The following EYA3 variants were observed in gnomAD, a reference collection of about 807,000 sequenced individuals.
EYA3 encodes EYA transcriptional coactivator and phosphatase 3.
In EYA3, 39 loss-of-function variants were observed where a neutral mutation model predicts 80.0. That is an observed-to-expected ratio of 0.49 (90% confidence interval 0.38 to 0.64). The LOEUF (loss-of-function observed/expected upper bound fraction) is 0.64, where lower values mean the gene tolerates loss of function less well. Among genes scored for constraint, EYA3 ranks in the 30% least tolerant of loss-of-function variants. EYA3 has a pLI of 0.00. For synonymous variants in EYA3, 206 were observed against 232.8 expected (o/e 0.88, Z 1.05); for missense variants, 523 against 676.1 (o/e 0.77, Z 2.51).
chr1:27,974,357 G>C lies in EYA3; in HGVS notation c.*109C>G. On this transcript the variant is annotated 3_prime_UTR_variant, in exon 18 of 18. Coordinates refer to ENST00000373871, the MANE Select transcript of EYA3 (RefSeq NM_001990.4). The stretch of plus-strand genomic sequence containing the variant: ...AAAGAGAGAAAGAGAGAGAGATAGA[G>C]ACAGAGACACAGAGAGAGACAGACA... 1 of 721,250 alleles carries C rather than the reference G, an allele frequency of 1.4e-6. No homozygotes were observed. Among genetic ancestry groups the C allele is most frequent in the African/African-American group, 1.8e-5 (1 of 56,658 alleles). 44.7% of individuals were successfully genotyped at this position (721,250 alleles called of 1,614,324 possible).
chr1:28,053,854 T>C (rs773885058), intron 2 of EYA3, among the ~76,000 whole-genome samples: 4 of 152,174 alleles, frequency 2.6e-5, no homozygotes, highest in Non-Finnish European at 5.9e-5. Flanking sequence ...GTTAAGAAAA[T>C]TGTATTAAGC....
intron 2 of EYA3, among the ~76,000 whole-genome samples, chr1:28,054,959 T>G (rs1644386924): frequency 6.6e-6 from 1 of 152,232 alleles, no homozygotes. Flanking sequence ...AGTGCTAACT[T>G]AATGCTGATT....
chr1:28,043,649 C>T (rs1643898124), intron 3 of EYA3, among the ~76,000 whole-genome samples: 1 of 152,094 alleles, frequency 6.6e-6, no homozygotes, highest in Admixed American at 6.5e-5. Flanking sequence ...ACCAGCCTGA[C>T]CAACATGGTA....
chr1:28,070,358 G>A (rs762249689), intron 1 of EYA3, among the ~76,000 whole-genome samples: 4 of 151,968 alleles, frequency 2.6e-5, no homozygotes, highest in Non-Finnish European at 5.9e-5. Context: ...TCAGGAAATC[G>A]AGACCAGCCT....
intron 13 of EYA3, 67 bp from the exon 14 acceptor site, chr1:27,993,627 T>C (rs1640225373): frequency 7.1e-7 from 1 of 1,403,988 alleles, no homozygotes; most frequent in Non-Finnish European, 9.4e-7. Context: ...GAGTGCTATT[T>C]GGTTGGGTTC....
chr1:28,030,842 T>C (rs1397409643), intron 6 of EYA3, among the ~76,000 whole-genome samples: 3 of 152,188 alleles, frequency 2.0e-5, no homozygotes, highest in Non-Finnish European at 2.9e-5. Flanking sequence ...TGATGTAAAA[T>C]GTGAGTATCA....
At chr1:28,045,836 T>C (rs1643983236) in intron 3 of EYA3, among the ~76,000 whole-genome samples, 1 of 152,044 alleles carries the variant, frequency 6.6e-6, no homozygotes, top group Admixed American at 6.6e-5. Flanking sequence ...GCACAACAAA[T>C]ACCTCCTTCT....
At chr1:28,019,317 G>C (rs1390043768) in intron 7 of EYA3, among the ~76,000 whole-genome samples, 1 of 152,148 alleles carries the variant, frequency 6.6e-6, no homozygotes, top group Non-Finnish European at 1.5e-5. Context: ...AAATGAAATA[G>C]GTTTTATAGC....
chr1:28,023,980 T>C (rs2148819630), intron 7 of EYA3, among the ~76,000 whole-genome samples: 1 of 152,352 alleles, frequency 6.6e-6, no homozygotes, highest in South Asian at 2.1e-4. Flanking sequence ...GGCTCACACC[T>C]GTCATCTCAA....
At chr1:28,084,426 T>C (rs958013615) in intron 1 of EYA3, among the ~76,000 whole-genome samples, 3 of 151,004 alleles carry the variant, frequency 2.0e-5, no homozygotes, top group East Asian at 1.9e-4. Flanking sequence ...TAAAAGAATA[T>C]GCACTTGTAT....
rs1388997980 is a variant in EYA3, at chr1:28,000,049, C to A, written c.994G>T (p.Asp332Tyr). The change falls in exon 12 of 18, where the codon GAC (aspartate) becomes TAC (tyrosine). Residue 332 changes from aspartate to tyrosine, a missense_variant and splice_region_variant. Physicochemically the swap from Asp to Tyr is radical, Grantham distance 160. Around this residue, in one of 2 missense-constraint regions of EYA3, gnomAD observed 219 missense variants for 332.8 expected, o/e 0.66. Coordinates refer to ENST00000373871, the MANE Select transcript of EYA3 (RefSeq NM_001990.4). ...CCTGAGCCAATCACTACTGTTGGGT[C>A]CTAGAAGACAATAAGAAAAAATCAG... ...TGSYAQKYGK[D>Y]PTVVIGSGLT... The A allele has an allele frequency of 6.3e-7, 1 of 1,595,898 alleles. No individual in the cohort carries two copies. Among genetic ancestry groups the A allele is most frequent in the South Asian group, 1.1e-5 (1 of 87,166 alleles).
At chr1:27,978,572 G>T in intron 16 of EYA3, 98 bp from the exon 17 acceptor site, 2 of 937,740 alleles carry the variant, frequency 2.1e-6, no homozygotes, top group Non-Finnish European at 1.7e-6. Flanking sequence ...GTGCTTAGGT[G>T]GACTAAGTGA....
At chr1:28,028,051 A>C in intron 6 of EYA3, 125 bp from the exon 7 acceptor site, 1 of 1,100,856 alleles carries the variant, frequency 9.1e-7, no homozygotes, top group Non-Finnish European at 1.3e-6. Flanking sequence ...TTTGCTTGTA[A>C]GAGAAAATTA....
intron 13 of EYA3, among the ~76,000 whole-genome samples, chr1:27,994,782 C>T (rs759070985): frequency 6.6e-5 from 10 of 151,884 alleles, no homozygotes; most frequent in Non-Finnish European, 8.8e-5. Flanking sequence ...GCCTGGGCAA[C>T]ATAGCAAGAT....
At chr1:27,977,203 G>GA (rs1638975657) in intron 17 of EYA3, 14 of 1,492,924 alleles carry the variant, frequency 9.4e-6, no homozygotes, top group Admixed American at 2.4e-5. Context: ...TAACATATGT[G>GA]AAAAAATAAG....
chr1:28,032,300 AGAT>A (rs1191879839), intron 6 of EYA3: 1 of 152,254 alleles, frequency 6.6e-6, no homozygotes, highest in Non-Finnish European at 1.5e-5. Context: ...TTTTTTAAGA[AGAT>A]GATTTATAAT....
intron 4 of EYA3, among the ~76,000 whole-genome samples, chr1:28,041,395 A>T (rs1440650775): frequency 6.6e-6 from 1 of 151,892 alleles, no homozygotes; most frequent in African/African-American, 2.4e-5. Flanking sequence ...CAACAAAAAA[A>T]TACAAAAAAT....
chr1:28,024,483 C>T (rs958037333), intron 7 of EYA3, among the ~76,000 whole-genome samples: 1 of 151,864 alleles, frequency 6.6e-6, no homozygotes, highest in Non-Finnish European at 1.5e-5. Flanking sequence ...ATGATGAAAC[C>T]CTGTCTCTAC....
At chr1:28,044,204 T>A (rs1643918238) in intron 3 of EYA3, among the ~76,000 whole-genome samples, 1 of 152,244 alleles carries the variant, frequency 6.6e-6, no homozygotes, top group South Asian at 2.1e-4. Context: ...TCAGTTATTA[T>A]GTCCCATTAT....
Sources: gnomAD v4.1 joint callset for allele counts (sites outside exome capture counted in the v4.1 genomes callset) on GRCh38, gnomAD v4.1.1 for gene constraint, gnomAD v4.1.1 regional missense constraint, MANE v1.5 for transcripts, NCBI Gene and HGNC (gene_info 2026-07-23, HGNC 2026-07-21) for gene names.